Variants in INPP5A observed in about 807,000 individuals in gnomAD.
INPP5A encodes the protein inositol polyphosphate-5-phosphatase A.
Under a neutral mutation model 65.2 loss-of-function variants are expected in INPP5A, and 14 were observed. The observed-to-expected ratio is 0.21, with a 90% CI of 0.14 to 0.34. The LOEUF is 0.34. INPP5A is among the 10% of genes least tolerant of loss of function. INPP5A has a pLI of 1.00. For missense variants in INPP5A, 431 were observed against 545.6 expected (o/e 0.79, Z 2.09); for synonymous variants, 207 against 208.3 (o/e 0.99, Z 0.05).
intron 1 of INPP5A, among the ~76,000 whole-genome samples, chr10:132,606,277 C>T (rs964301717): frequency 2.6e-4 from 35 of 136,796 alleles, no homozygotes; most frequent in African/African-American, 8.0e-4. Flanking sequence ...CCCCTCCTGC[C>T]GGGTCCTCAG....
At chr10:132,662,442 G>A (rs927220324) in intron 4 of INPP5A, among the ~76,000 whole-genome samples, 5 of 152,142 alleles carry the variant, frequency 3.3e-5, no homozygotes, top group African/African-American at 1.2e-4. Context: ...TGTACACCGT[G>A]GTGTGTCAGC....
intron 4 of INPP5A, among the ~76,000 whole-genome samples, chr10:132,685,581 C>T (rs773172763): frequency 1.3e-5 from 2 of 152,188 alleles, no homozygotes; most frequent in African/African-American, 2.4e-5. Flanking sequence ...GATAAATTAC[C>T]GGCCATCTGA....
rs1379186293 is a variant in INPP5A, at chr10:132,575,571, A to G, written c.76-32344A>G. ...AGCACTATCCTACTTCCCTAACCCA[A>G]CCACAAGCAGCGGAGCCAGTTATTT... On this transcript the variant is annotated intron_variant, in intron 1 of 15. Transcript: ENST00000368594. The surrounding 1 kb of genome is among the most constrained non-coding windows in gnomAD (Gnocchi z 5.4). 6.6e-6 allele frequency among the ~76,000 whole-genome samples: 1 copy of G among 152,060 alleles called. No homozygotes were observed. The highest frequency in any genetic ancestry group is 2.1e-4 in the South Asian group (1 of 4,804).
rs534064492 is a variant in INPP5A at position 132,676,040 on chromosome 10, G to A, written c.307-14352G>A. Among the ~76,000 whole-genome samples, 1 of 152,050 alleles carries A rather than the reference G, an allele frequency of 6.6e-6. No homozygotes were observed. Among genetic ancestry groups the A allele is most frequent in the East Asian group, 1.9e-4 (1 of 5,182 alleles). On this transcript the variant is annotated intron_variant, in intron 4 of 15. Transcript: ENST00000368594. This position sits in a 1 kb window ranked among gnomAD's most constrained non-coding sequence, Gnocchi z 4.0. ...TGCAAACTCCTTACATAATTTAATT[G>A]GCATAAAAGTTTATTGATTTACTTG...
intron 2 of INPP5A, 73 bp downstream of exon 2, chr10:132,608,029 C>T: frequency 7.2e-7 from 1 of 1,381,524 alleles, no homozygotes; most frequent in Non-Finnish European, 1.0e-6. Context: ...TTTGGCATTC[C>T]TCCATGGAGT....
chr10:132,664,808 G>A (rs1020363752), intron 4 of INPP5A, among the ~76,000 whole-genome samples: 2 of 152,260 alleles, frequency 1.3e-5, no homozygotes, highest in African/African-American at 2.4e-5. Context: ...TGACAAGCAC[G>A]ATGTTTTCCT....
At chr10:132,607,385 G>T (rs1378536301) in intron 1 of INPP5A, among the ~76,000 whole-genome samples, 2 of 152,246 alleles carry the variant, frequency 1.3e-5, no homozygotes, top group African/African-American at 4.8e-5. Flanking sequence ...TGAAGATTCT[G>T]ACAGTTGTGA....
Position 132,698,331 on chromosome 10 carries a change from G to A in INPP5A, c.474+412G>A, listed in dbSNP as rs911289891. ...TGGTGTGAGTGTGGGGCAGGGGCAC[G>A]GTCCTGTGTCAGATACAGCCTTGGT... On this transcript the variant is annotated intron_variant, in intron 6 of 15. Transcript: ENST00000368594. This position sits in a 1 kb window ranked among gnomAD's most constrained non-coding sequence, Gnocchi z 5.5. 5.3e-5 allele frequency among the ~76,000 whole-genome samples: 8 copies of A among 152,198 alleles called. No individual in the cohort carries two copies. The highest frequency in any genetic ancestry group is 4.1e-4 in the South Asian group (2 of 4,838).
rs1054362143 is a variant in INPP5A, at chr10:132,678,603, T to C, written c.307-11789T>C. 2.6e-5 allele frequency among the ~76,000 whole-genome samples: 4 copies of C among 152,122 alleles called. No homozygotes were observed. In the South Asian group the frequency reaches 8.3e-4, roughly 32 times the overall value. ...CCGGGCGCCCAGAGGGTGTGGTGCC[T>C]CTCTCATTGCCCAGGAGCCGTGGAA... On this transcript the variant is annotated intron_variant, in intron 4 of 15. Transcript: ENST00000368594. This position sits in a 1 kb window ranked among gnomAD's most constrained non-coding sequence, Gnocchi z 4.1.
chr10:132,690,891 C>G (rs1845247767), intron 5 of INPP5A, among the ~76,000 whole-genome samples: 1 of 152,192 alleles, frequency 6.6e-6, no homozygotes, highest in Non-Finnish European at 1.5e-5. Context: ...CTGACACAAG[C>G]TGTCCCCTCC....
intron 2 of INPP5A, among the ~76,000 whole-genome samples, chr10:132,614,178 A>C (rs2071998584): frequency 6.6e-6 from 1 of 152,228 alleles, no homozygotes; most frequent in Non-Finnish European, 1.5e-5. Flanking sequence ...GTCCCCAGGC[A>C]GAGCCTGGAC....
chr10:132,695,908 C>A (rs1273794811), intron 5 of INPP5A, among the ~76,000 whole-genome samples: 3 of 151,940 alleles, frequency 2.0e-5, no homozygotes, highest in Admixed American at 2.0e-4. Flanking sequence ...AAGTAGGTGC[C>A]CCCCACCCCC....
chr10:132,732,186 G>A (rs1293048555), intron 9 of INPP5A, among the ~76,000 whole-genome samples: 5 of 152,280 alleles, frequency 3.3e-5, no homozygotes, highest in East Asian at 1.9e-4. Flanking sequence ...CTGGACAGAC[G>A]TGGGTCTTAC....
At chr10:132,755,664 G>A (rs939679708) in intron 11 of INPP5A, among the ~76,000 whole-genome samples, 2 of 152,018 alleles carry the variant, frequency 1.3e-5, no homozygotes, top group Non-Finnish European at 2.9e-5. Flanking sequence ...GCGTGAGCAG[G>A]TGTGTGCATG....
At chr10:132,653,236 G>A (rs778324831) in intron 4 of INPP5A, among the ~76,000 whole-genome samples, 13 of 152,138 alleles carry the variant, frequency 8.5e-5, no homozygotes, top group African/African-American at 2.4e-4. Flanking sequence ...ACATGAGGGC[G>A]AAAGCCTCAG....
At chr10:132,719,867 T>TGA (rs1845830806) in intron 8 of INPP5A, among the ~76,000 whole-genome samples, 1 of 150,066 alleles carries the variant, frequency 6.7e-6, no homozygotes, top group South Asian at 2.1e-4. Flanking sequence ...CGGTTCTGTC[T>TGA]GGGCGCCTTA....
chr10:132,613,650 C>T (rs1234952015), intron 2 of INPP5A, among the ~76,000 whole-genome samples: 4 of 152,212 alleles, frequency 2.6e-5, no homozygotes, highest in African/African-American at 9.7e-5. Context: ...GATTTCAATG[C>T]CAATCCCCAC....
At chr10:132,631,273 C>G (rs956258848) in intron 2 of INPP5A, among the ~76,000 whole-genome samples, 10 of 152,188 alleles carry the variant, frequency 6.6e-5, no homozygotes, top group African/African-American at 2.4e-4. Flanking sequence ...AGGAGGCTGT[C>G]TGACCAGGGG....
chr10:132,765,930 T>C, intron 12 of INPP5A, 84 bp downstream of exon 12: 1 of 814,042 alleles, frequency 1.2e-6, no homozygotes, highest in Non-Finnish European at 2.2e-6. Flanking sequence ...TCTGCGTGTC[T>C]GTGTGTGCCA....
Sources: gnomAD v4.1 joint callset for allele counts (sites outside exome capture counted in the v4.1 genomes callset) on GRCh38, gnomAD v4.1.1 for gene constraint, Gnocchi (gnomAD v3.1) non-coding constraint, MANE v1.5 for transcripts, NCBI Gene and HGNC (gene_info 2026-07-23, HGNC 2026-07-21) for gene names.